SFMBT1: variants seen among roughly 807,000 people sequenced by gnomAD.
SFMBT1 encodes scm-like with four MBT domains protein 1.
A neutral mutation model predicts 108.7 loss-of-function variants in SFMBT1; 32 were observed. That is an observed-to-expected ratio of 0.29 (90% confidence interval 0.22 to 0.40). The LOEUF (loss-of-function observed/expected upper bound fraction) is 0.40. Among genes scored for constraint, SFMBT1 ranks in the 10% least tolerant of loss-of-function variants. The pLI, the probability that SFMBT1 is intolerant of heterozygous loss-of-function variation, is 1.00. For missense variants in SFMBT1, 816 were observed against 1,059.6 expected (o/e 0.77, Z 3.19); for synonymous variants, 348 against 369.5 (o/e 0.94, Z 0.67).
intron 2 of SFMBT1, among the ~76,000 whole-genome samples, chr3:52,965,813 T>C (rs1376823995): frequency 6.6e-6 from 1 of 151,026 alleles, no homozygotes; most frequent in East Asian, 1.9e-4. Flanking sequence ...GCGACCATCC[T>C]GGCTAACACG....
At chr3:52,962,617 C>T (rs1703999933) in intron 2 of SFMBT1, among the ~76,000 whole-genome samples, 1 of 151,714 alleles carries the variant, frequency 6.6e-6, no homozygotes. Flanking sequence ...AGGAGCCTGG[C>T]CAACATGATG....
At chr3:52,940,868 T>C (rs2106810654) in intron 4 of SFMBT1, among the ~76,000 whole-genome samples, 1 of 152,304 alleles carries the variant, frequency 6.6e-6, no homozygotes, top group South Asian at 2.1e-4. Context: ...GGCAAATCAA[T>C]AGCATGTATC....
At chr3:52,997,587 A>G (rs1245300054) in intron 1 of SFMBT1, among the ~76,000 whole-genome samples, 1 of 150,502 alleles carries the variant, frequency 6.6e-6, no homozygotes, top group Non-Finnish European at 1.5e-5. Context: ...AACTACTGAT[A>G]CATGCAATAA....
chr3:52,964,385 G>A (rs939527568), intron 2 of SFMBT1, among the ~76,000 whole-genome samples: 2 of 152,096 alleles, frequency 1.3e-5, no homozygotes, highest in African/African-American at 2.4e-5. Context: ...ATGATGGCAT[G>A]TGCCTGTGTT....
intron 1 of SFMBT1, among the ~76,000 whole-genome samples, chr3:53,029,190 A>AG (rs1411670171): frequency 1.3e-5 from 2 of 151,796 alleles, no homozygotes; most frequent in Non-Finnish European, 2.9e-5. Context: ...AAAAAAAAAA[A>AG]AAAAGTCATG....
intron 1 of SFMBT1, among the ~76,000 whole-genome samples, chr3:53,022,449 CAAAAAAAAAAA>C (rs34744052): frequency 2.5e-5 from 1 of 40,650 alleles, no homozygotes; most frequent in African/African-American, 6.9e-5. Context: ...GGTGCTGTCT[CAAAAAAAAAAA>C]AAAAAAAAAA....
chr3:53,011,399 A>G (rs1449975025), intron 1 of SFMBT1, among the ~76,000 whole-genome samples: 7 of 152,232 alleles, frequency 4.6e-5, no homozygotes. Flanking sequence ...GGCCCCACAG[A>G]AGAGTACATA....
intron 1 of SFMBT1, among the ~76,000 whole-genome samples, chr3:52,986,913 C>A (rs572529278): frequency 6.6e-5 from 10 of 152,206 alleles, no homozygotes; most frequent in Non-Finnish European, 1.3e-4. Flanking sequence ...GCTCTCCAGT[C>A]TGGGCGAAAG....
chr3:52,928,430 C>T, intron 8 of SFMBT1, 89 bp from the exon 9 acceptor site: 1 of 1,379,796 alleles, frequency 7.2e-7, no homozygotes, highest in Non-Finnish European at 9.9e-7. Context: ...TACAAAAGTT[C>T]ATACTCATGT....
intron 4 of SFMBT1, among the ~76,000 whole-genome samples, chr3:52,940,636 C>T (rs1703150094): frequency 6.6e-6 from 1 of 151,930 alleles, no homozygotes; most frequent in Non-Finnish European, 1.5e-5. Flanking sequence ...TTTTAAAACA[C>T]CATTTGGTAA....
chr3:52,943,624 C>A, intron 3 of SFMBT1, 31 bp from the exon 4 acceptor site: 1 of 1,614,102 alleles, frequency 6.2e-7, no homozygotes, highest in Non-Finnish European at 8.5e-7. Context: ...AAGCACCAGA[C>A]AAGTATCTTA....
intron 1 of SFMBT1, among the ~76,000 whole-genome samples, chr3:53,043,925 G>C (rs1025854672): frequency 3.3e-5 from 5 of 152,224 alleles, no homozygotes; most frequent in African/African-American, 1.2e-4. Flanking sequence ...GGTGACAGAA[G>C]TCAGAATTGT....
chr3:52,953,541 T>C (rs914979390), intron 3 of SFMBT1, among the ~76,000 whole-genome samples: 16 of 152,268 alleles, frequency 1.1e-4, no homozygotes, highest in African/African-American at 4.8e-5. Context: ...TATGTTGTCA[T>C]TGACAAGGCA....
chr3:52,999,206 C>A lies in SFMBT1; in HGVS notation c.-130-29948G>T, dbSNP rs1015741578. ...CCAGCCGGGCAGCCCAAGGACCTCA[C>A]GACTGGCTGCTGGGTCAAGGCGTTC... On this transcript the variant is annotated intron_variant, in intron 1 of 20. Transcript: ENST00000394752. Among the ~76,000 whole-genome samples the A allele has an allele frequency of 2.0e-5, 3 of 150,846 alleles. 1 individual carries two copies. Among genetic ancestry groups the A allele is most frequent in the African/African-American group, 4.8e-5 (2 of 41,382 alleles).
chr3:52,991,965 G>A (rs537423907), intron 1 of SFMBT1, among the ~76,000 whole-genome samples: 6 of 152,288 alleles, frequency 3.9e-5, no homozygotes, highest in South Asian at 2.1e-4. Context: ...ATCCATCCCC[G>A]AGGAGGAGAT....
At chr3:52,960,112 G>A (rs190969594) in intron 2 of SFMBT1, among the ~76,000 whole-genome samples, 10 of 151,876 alleles carry the variant, frequency 6.6e-5, no homozygotes, top group Admixed American at 2.0e-4. Context: ...GAATGCTAGC[G>A]TTGACACAGA....
chr3:52,957,045 AG>A (rs1281890387), intron 2 of SFMBT1, among the ~76,000 whole-genome samples: 1 of 152,180 alleles, frequency 6.6e-6, no homozygotes, highest in African/African-American at 2.4e-5. Context: ...GTCTGTTTGC[AG>A]GTGACATGAT....
At position 52,920,540 on chromosome 3, in the gene SFMBT1, G is replaced by A; in HGVS notation, c.1369C>T (p.Arg457Ter). ...TAACCCAGAAATAGACAGATACCTC[G>A]TGCTCGGCGAGGAGTGCTGAGGGGG... ...GHPLSTPRRA[R>*]VYKQRKIAVV... Residue 457 changes from arginine (R) to a stop codon, truncating the protein, a stop_gained, in exon 12 of 21, where the codon CGA becomes TGA. Coordinates refer to ENST00000394752, the MANE Select transcript of SFMBT1 (RefSeq NM_016329.4). LOFTEE classifies it high-confidence loss of function. The A allele has an allele frequency of 6.2e-7, 1 of 1,610,464 alleles. No individual in the cohort carries two copies. The highest frequency in any genetic ancestry group is 8.5e-7 in the Non-Finnish European group (1 of 1,177,352).
intron 18 of SFMBT1, 97 bp from the exon 19 acceptor site, chr3:52,907,411 G>A: frequency 6.6e-7 from 1 of 1,523,138 alleles, no homozygotes. Flanking sequence ...AAGAAATTCA[G>A]GACAAACCAG....
Sources: allele counts gnomAD v4.1 joint callset (sites outside exome capture counted in the v4.1 genomes callset), GRCh38; gene constraint gnomAD v4.1.1; transcripts MANE v1.5; gene names NCBI Gene and HGNC (gene_info 2026-07-23, HGNC 2026-07-21).